PHF14: variants seen among roughly 807,000 people sequenced by gnomAD.
The protein encoded by PHF14 is PHD finger protein 14.
A neutral mutation model predicts 117.9 loss-of-function variants in PHF14; 55 were observed. That is an observed-to-expected ratio of 0.47 (90% confidence interval 0.38 to 0.58). The LOEUF (loss-of-function observed/expected upper bound fraction) is 0.58, where lower values mean the gene tolerates loss of function less well. Ranked by LOEUF, PHF14 falls within the 20% of genes least tolerant of loss-of-function variation. The pLI, the probability that PHF14 is intolerant of heterozygous loss-of-function variation, is 0.00. For synonymous variants in PHF14, 409 were observed against 368.6 expected, an observed-to-expected ratio of 1.11 and a Z score of -1.26; for missense variants, 978 against 1,122.2, an observed-to-expected ratio of 0.87 and a Z score of 1.84.
At chr7:11,001,818 A>G (rs1002248222) in intron 4 of PHF14, among the ~76,000 whole-genome samples, 2 of 152,146 alleles carry the variant, frequency 1.3e-5, no homozygotes, top group African/African-American at 4.8e-5. Flanking sequence ...GAAAGCAAAG[A>G]TAATTTTATT....
intron 13 of PHF14, among the ~76,000 whole-genome samples, chr7:11,051,298 G>C (rs1259589324): frequency 6.6e-6 from 1 of 151,990 alleles, no homozygotes; most frequent in Admixed American, 6.6e-5. Flanking sequence ...TTATGGGAGT[G>C]AGCCACTGCA....
intron 12 of PHF14, 145 bp downstream of exon 12, chr7:11,040,920 G>GAT: frequency 2.1e-6 from 1 of 472,068 alleles, no homozygotes; most frequent in Non-Finnish European, 3.8e-6. Flanking sequence ...TTTCTCAAAA[G>GAT]ATGCATTCCA....
At chr7:11,105,572 C>T (rs1332596200) in intron 16 of PHF14, 1 of 983,338 alleles carries the variant, frequency 1.0e-6, no homozygotes. Context: ...GTTTAAGAGA[C>T]TCAACTTGGA....
At chr7:11,017,571 T>G (rs1783575960) in intron 5 of PHF14, among the ~76,000 whole-genome samples, 1 of 152,200 alleles carries the variant, frequency 6.6e-6, no homozygotes, top group African/African-American at 2.4e-5. Flanking sequence ...AAATGTCTAT[T>G]CAAATCTTTT....
intron 14 of PHF14, 64 bp downstream of exon 14, chr7:11,051,844 G>A: frequency 7.4e-7 from 1 of 1,349,270 alleles, no homozygotes; most frequent in East Asian, 2.3e-5. Flanking sequence ...AAGAGAGTGA[G>A]AAAGACACAG....
intron 14 of PHF14, among the ~76,000 whole-genome samples, chr7:11,057,766 C>G (rs922428807): frequency 6.6e-6 from 1 of 152,088 alleles, no homozygotes; most frequent in South Asian, 2.1e-4. Context: ...CCAATCTCTT[C>G]TATGGATTTT....
intron 17 of PHF14, among the ~76,000 whole-genome samples, chr7:11,115,408 A>G (rs1002588094): frequency 3.9e-5 from 6 of 152,056 alleles, no homozygotes; most frequent in Non-Finnish European, 7.4e-5. Flanking sequence ...GTTTGAGTCT[A>G]TTTTCATGAT....
intron 17 of PHF14, among the ~76,000 whole-genome samples, chr7:11,123,258 C>G (rs567945440): frequency 6.6e-6 from 1 of 152,130 alleles, no homozygotes; most frequent in Non-Finnish European, 1.5e-5. Flanking sequence ...GACTTTTTTG[C>G]CTTTTAAAAT....
At chr7:11,011,250 A>T (rs1562418838) in intron 4 of PHF14, among the ~76,000 whole-genome samples, 2 of 151,930 alleles carry the variant, frequency 1.3e-5, no homozygotes, top group African/African-American at 4.8e-5. Context: ...GATTTGTTTA[A>T]CTCAGTATTC....
At chr7:11,126,159 G>T (rs1045128478) in intron 17 of PHF14, among the ~76,000 whole-genome samples, 3 of 152,036 alleles carry the variant, frequency 2.0e-5, no homozygotes, top group Non-Finnish European at 4.4e-5. Flanking sequence ...AGATGTATTG[G>T]TAGCTTAATG....
At chr7:11,107,952 G>A (rs779465627) in intron 16 of PHF14, 94 of 156,060 alleles carry the variant, frequency 6.0e-4, no homozygotes, top group Admixed American at 8.6e-4. Flanking sequence ...AGTCCCTTAC[G>A]AGTTTTTTTA....
At chr7:11,009,035 C>CAAAA (rs35700406) in intron 4 of PHF14, among the ~76,000 whole-genome samples, 1 of 101,526 alleles carries the variant, frequency 9.8e-6, no homozygotes, top group African/African-American at 4.1e-5. Context: ...GACTCTGTCT[C>CAAAA]AAAAAAAAAA....
At chr7:11,064,412 T>G (rs1485510297) in intron 16 of PHF14, among the ~76,000 whole-genome samples, 1 of 151,992 alleles carries the variant, frequency 6.6e-6, no homozygotes, top group Non-Finnish European at 1.5e-5. Context: ...ATTTATTTTC[T>G]CTACAGATAT....
intron 4 of PHF14, among the ~76,000 whole-genome samples, chr7:10,991,455 G>A (rs780893241): frequency 7.2e-5 from 11 of 151,960 alleles, no homozygotes; most frequent in Admixed American, 6.6e-5. Context: ...GATTACAGGC[G>A]TGAACTACCG....
chr7:11,077,421 T>C (rs1785905445), intron 16 of PHF14, among the ~76,000 whole-genome samples: 1 of 151,528 alleles, frequency 6.6e-6, no homozygotes, highest in African/African-American at 2.4e-5. Context: ...GCCAACGTGG[T>C]AAAACCCCGT....
intron 2 of PHF14, among the ~76,000 whole-genome samples, chr7:10,977,406 T>G (rs768871407): frequency 7.9e-5 from 12 of 152,302 alleles, no homozygotes; most frequent in Middle Eastern, 3.4e-3. Context: ...CTTCTTACCT[T>G]CATCTTGAAA....
intron 7 of PHF14, among the ~76,000 whole-genome samples, chr7:11,033,243 G>A (rs1784183557): frequency 6.6e-6 from 1 of 152,148 alleles, no homozygotes; most frequent in Non-Finnish European, 1.5e-5. Context: ...TTGCTTAAAC[G>A]AAGAAGTTGA....
At chr7:11,072,538 A>G (rs1241136456) in intron 16 of PHF14, among the ~76,000 whole-genome samples, 1 of 152,200 alleles carries the variant, frequency 6.6e-6, no homozygotes, top group East Asian at 1.9e-4. Flanking sequence ...AAACAATAGT[A>G]CCTACTCCAT....
At chr7:11,014,605 C>T (rs1363289953) in intron 5 of PHF14, among the ~76,000 whole-genome samples, 1 of 152,110 alleles carries the variant, frequency 6.6e-6, no homozygotes, top group African/African-American at 2.4e-5. Context: ...GGGCAGAGCA[C>T]AGGAGGAAGT....
Sources: allele counts gnomAD v4.1 joint callset (sites outside exome capture counted in the v4.1 genomes callset), GRCh38; gene constraint gnomAD v4.1.1; transcripts MANE v1.5; gene names NCBI Gene and HGNC (gene_info 2026-07-23, HGNC 2026-07-21).